The following BLOC1S3 variants were observed in gnomAD, a reference collection of about 807,000 sequenced individuals.
The protein encoded by BLOC1S3 is biogenesis of lysosomal organelles complex 1 subunit 3.
Under a neutral mutation model 9.1 loss-of-function variants are expected in BLOC1S3, and 7 were observed. The ratio of observed to expected loss-of-function variants is 0.77; its 90% CI spans 0.44 to 1.45. The LOEUF is 1.45. Ranked by LOEUF, BLOC1S3 falls within the 40% of genes most tolerant of loss-of-function variation. The pLI is 0.01. For synonymous variants in BLOC1S3, 145 were observed against 158.4 expected (o/e 0.92, Z 0.64); for missense variants, 307 against 315.2 (o/e 0.97, Z 0.20).
rs1478902659 is a variant in BLOC1S3, at chr19:45,179,486, G to T, written c.190G>T (p.Asp64Tyr). The T allele has an allele frequency of 4.6e-6, 7 of 1,523,452 alleles. No homozygotes were observed. The highest frequency in any genetic ancestry group is 1.2e-5 in the South Asian group (1 of 82,740). The allele number at this position is 1,523,452 out of a possible 1,614,324, so 94.4% of individuals were successfully genotyped here. A position where few individuals can be genotyped will look rare whatever the true frequency, so the allele number is the denominator to read the frequency against. The change falls in exon 2 of 2, where the codon GAC (aspartate) becomes TAC (tyrosine). Residue 64 changes from aspartate (D) to tyrosine (Y), a missense_variant. Physicochemically the swap from Asp to Tyr is radical, Grantham distance 160. Transcript: ENST00000433642. The surrounding 1 kb of genome is among the most constrained non-coding windows in gnomAD (Gnocchi z 4.6). ...LRVAGEAAET[D>Y]SEPEPEPEPT... ...GGTGGCTGGGGAAGCCGCGGAGACC[G>T]ACTCGGAGCCGGAGCCGGAGCCGGA... is the stretch of plus-strand genomic sequence containing the variant.
rs747159416 is a variant in BLOC1S3, at chr19:45,181,425, C to T, written c.*1520C>T. 3 of 167,210 alleles carry T rather than the reference C, an allele frequency of 1.8e-5. No individual in the cohort carries two copies. The highest frequency in any genetic ancestry group is 4.4e-5 in the Non-Finnish European group (3 of 68,174). 10.4% of individuals were successfully genotyped at this position (167,210 alleles called of 1,614,324 possible). A position where few individuals can be genotyped will look rare whatever the true frequency, so the allele number is the denominator to read the frequency against. ...TGGCGTCTCCTCTTGACTCTCCAGA[C>T]CTAAAGTGACACCCTTCAGGCACTT... On this transcript the variant is annotated 3_prime_UTR_variant, in exon 2 of 2. Transcript: ENST00000433642.
rs1399228854 is a variant in BLOC1S3 at position 45,213,347 on chromosome 19, C to T, written n.283-3329C>T. 3 of 1,613,406 alleles carry T rather than the reference C, an allele frequency of 1.9e-6. No individual in the cohort carries two copies. The highest frequency in any genetic ancestry group is 2.5e-6 in the Non-Finnish European group (3 of 1,179,736). On this transcript the variant is annotated intron_variant and non_coding_transcript_variant, in intron 3 of 3. Coordinates refer to the BLOC1S3 transcript ENST00000591569. The stretch of plus-strand genomic sequence containing the variant: ...CCACGGATGTCGAGGAGGGCTGCCA[C>T]GTGCTTCTGCCTGTGGGGAGAGGAA...
At chr19:45,195,458 T>C (rs73034856) in intron 2 of BLOC1S3, among the ~76,000 whole-genome samples, 58,236 of 151,744 alleles carry the variant, frequency 0.38, 11,930 homozygotes, top group Non-Finnish European at 0.44. Flanking sequence ...CCGCCCACTT[T>C]GGCCTCCCAA....
Position 45,193,132 on chromosome 19 carries a change from C to CAAAAAAAAA in BLOC1S3, n.180+5412_180+5420dup, listed in dbSNP as rs71173123. ...GGGCAACAAGAGCAAAACTCCGTCT[C>CAAAAAAAAA]AAAAAAAAAAAAAAAAAAAAAAAAA... On this transcript the variant is annotated intron_variant and non_coding_transcript_variant, in intron 2 of 3. Transcript: ENST00000591569. 1.1e-3 allele frequency among the ~76,000 whole-genome samples: 86 copies of CAAAAAAAAA among 77,940 alleles called. 6 individuals carry two copies. Among genetic ancestry groups the CAAAAAAAAA allele is most frequent in the Non-Finnish European group, 1.8e-3 (69 of 37,548 alleles). 51.1% of individuals were successfully genotyped at this position (77,940 alleles called of 152,430 possible).
chr19:45,180,600 G>A lies in BLOC1S3; in HGVS notation c.*695G>A, dbSNP rs916798023. The stretch of plus-strand genomic sequence containing the variant: ...GAGTTTGGTTTCTGCTTATGGTGGG[G>A]AGCTTGTTCCCGTTCTTCCCACAAG... On this transcript the variant is annotated 3_prime_UTR_variant, in exon 2 of 2. Transcript: ENST00000433642. 3 of 167,086 alleles carry A rather than the reference G, an allele frequency of 1.8e-5. No homozygotes were observed. Among genetic ancestry groups the A allele is most frequent in the East Asian group, 1.9e-4 (1 of 5,198 alleles). The allele number at this position is 167,086 out of a possible 1,614,324, so 10.4% of individuals were successfully genotyped here. A position where few individuals can be genotyped will look rare whatever the true frequency, so the allele number is the denominator to read the frequency against.
intron 2 of BLOC1S3, among the ~76,000 whole-genome samples, chr19:45,188,552 T>TATA (rs1013570753): frequency 1.1e-5 from 1 of 94,440 alleles, no homozygotes; most frequent in Non-Finnish European, 2.5e-5. Context: ...TCTTTCTAAT[T>TATA]ATTATTATTA....
At chr19:45,184,921 A>C (rs1969555536), downstream of BLOC1S3, among the ~76,000 whole-genome samples, 1 of 149,252 alleles carries the variant, frequency 6.7e-6, no homozygotes, top group African/African-American at 2.5e-5. Flanking sequence ...AAAAAAAAAA[A>C]AAAAAAAAAA....
chr19:45,210,393 G>A (rs935737759), intron 3 of BLOC1S3, among the ~76,000 whole-genome samples: 2 of 138,246 alleles, frequency 1.4e-5, no homozygotes, highest in African/African-American at 5.5e-5. Flanking sequence ...TCTGCCTCCT[G>A]GGCTCAAGTG....
chr19:45,195,729 G>A (rs1347031840), intron 2 of BLOC1S3, among the ~76,000 whole-genome samples: 1 of 152,020 alleles, frequency 6.6e-6, no homozygotes, highest in Non-Finnish European at 1.5e-5. Flanking sequence ...CGAGTAGCTG[G>A]GACTATAGGT....
downstream of BLOC1S3, among the ~76,000 whole-genome samples, chr19:45,183,623 C>CTTTTTT (rs57651816): frequency 5.9e-3 from 618 of 104,938 alleles, no homozygotes; most frequent in East Asian, 9.1e-3. Flanking sequence ...CTTTTCTTTT[C>CTTTTTT]TTTTTTTTTT....
downstream of BLOC1S3, among the ~76,000 whole-genome samples, chr19:45,182,238 C>T (rs1167943181): frequency 6.6e-6 from 1 of 151,274 alleles, no homozygotes; most frequent in Non-Finnish European, 1.5e-5. Flanking sequence ...TTTGGGAGGC[C>T]GAGGCACGTG....
At chr19:45,204,830 C>T (rs1440722464) in intron 3 of BLOC1S3, among the ~76,000 whole-genome samples, 1 of 151,828 alleles carries the variant, frequency 6.6e-6, no homozygotes, top group Non-Finnish European at 1.5e-5. Context: ...CTCCAGGGTT[C>T]AAGTGATTCT....
Position 45,213,082 on chromosome 19 carries a change from C to G in BLOC1S3, n.283-3594C>G, listed in dbSNP as rs768632277. On this transcript the variant is annotated intron_variant and non_coding_transcript_variant, in intron 3 of 3. Coordinates refer to the BLOC1S3 transcript ENST00000591569. ...GTTGGGTGACCCTCAGCGCTGGGCCCGAGGTCGCGCTAGAGACGGAGGCCG... is the reference window on the plus strand; with the variant it reads ...GTTGGGTGACCCTCAGCGCTGGGCCGGAGGTCGCGCTAGAGACGGAGGCCG... The G allele has an allele frequency of 4.0e-5, 60 of 1,503,516 alleles. No individual in the cohort carries two copies. Among genetic ancestry groups the G allele is most frequent in the Non-Finnish European group, 5.3e-5 (60 of 1,131,530 alleles). The allele number at this position is 1,503,516 out of a possible 1,614,324, so 93.1% of individuals were successfully genotyped here.
At chr19:45,214,847 T>A (rs1969816723) in intron 3 of BLOC1S3, among the ~76,000 whole-genome samples, 2 of 152,036 alleles carry the variant, frequency 1.3e-5, no homozygotes, top group African/African-American at 4.8e-5. Context: ...GATATTTCAA[T>A]AGCTTTAATT....
chr19:45,209,438 C>CTT (rs1387184679), intron 3 of BLOC1S3, among the ~76,000 whole-genome samples: 3 of 151,446 alleles, frequency 2.0e-5, no homozygotes, highest in Non-Finnish European at 2.9e-5. Flanking sequence ...TTGTTTTTTT[C>CTT]TGAGACAGTG....
intron 2 of BLOC1S3, among the ~76,000 whole-genome samples, chr19:45,196,923 G>A (rs576282138): frequency 3.4e-5 from 5 of 149,200 alleles, no homozygotes; most frequent in South Asian, 2.1e-4. Flanking sequence ...TCAATTTTAG[G>A]AAAGTGTCTG....
At chr19:45,213,659 T>C (rs1473817474) in intron 3 of BLOC1S3, among the ~76,000 whole-genome samples, 2 of 151,962 alleles carry the variant, frequency 1.3e-5, no homozygotes, top group African/African-American at 4.8e-5. Context: ...AAATTCACCT[T>C]CTCAGCTGGG....
intron 3 of BLOC1S3, among the ~76,000 whole-genome samples, chr19:45,215,108 T>C (rs1406420436): frequency 6.6e-6 from 1 of 152,052 alleles, no homozygotes; most frequent in African/African-American, 2.4e-5. Flanking sequence ...ATCACTGCAC[T>C]TCAGCCTGGG....
At chr19:45,186,721 A>G (rs1487920811), downstream of BLOC1S3, among the ~76,000 whole-genome samples, 1 of 152,062 alleles carries the variant, frequency 6.6e-6, no homozygotes, top group Non-Finnish European at 1.5e-5. Context: ...AACAACAAAA[A>G]AAAAGTGCTA....
Sources: allele counts gnomAD v4.1 joint callset (sites outside exome capture counted in the v4.1 genomes callset), GRCh38; gene constraint gnomAD v4.1.1; non-coding constraint Gnocchi (gnomAD v3.1); transcripts MANE v1.5; gene names NCBI Gene and HGNC (gene_info 2026-07-23, HGNC 2026-07-21).